Variants in VPS13B observed in about 807,000 individuals in gnomAD.
The protein encoded by VPS13B is intermembrane lipid transfer protein VPS13B.
A neutral mutation model predicts 426.4 loss-of-function variants in VPS13B; 285 were observed. The ratio of observed to expected loss-of-function variants is 0.67; its 90% CI spans 0.61 to 0.74. The LOEUF (loss-of-function observed/expected upper bound fraction) is 0.74. Among genes scored for constraint, VPS13B ranks in the 30% least tolerant of loss-of-function variants. VPS13B has a pLI of 0.00. For missense variants in VPS13B, 4,537 were observed against 4,782.6 expected (o/e 0.95, Z 1.51); for synonymous variants, 1,676 against 1,676.4 (o/e 1.00, Z 0.01).
rs142801068 is a variant in VPS13B at position 99,870,519 on chromosome 8, A to T, written c.11393-266A>T. On this transcript the variant is annotated intron_variant, in intron 59 of 61. Transcript: ENST00000357162. Reference sequence around the variant, plus strand: ...TCTAGGCTATTGTTCATGACCAGCTACTTTCGGTGTTTTTGCTTCCTCTAA... The same window carrying T: ...TCTAGGCTATTGTTCATGACCAGCTTCTTTCGGTGTTTTTGCTTCCTCTAA... 1.3e-3 allele frequency among the ~76,000 whole-genome samples: 202 copies of T among 152,304 alleles called. 2 individuals carry two copies. In the Middle Eastern group the frequency reaches 0.014, roughly 10 times the overall value.
intron 2 of VPS13B, among the ~76,000 whole-genome samples, chr8:99,034,063 T>G (rs963185816): frequency 6.6e-6 from 1 of 152,228 alleles, no homozygotes; most frequent in African/African-American, 2.4e-5. Flanking sequence ...CATAGTTGTT[T>G]GTTGTAAATT....
intron 39 of VPS13B, among the ~76,000 whole-genome samples, chr8:99,749,261 G>T (rs1810272110): frequency 6.6e-6 from 1 of 151,702 alleles, no homozygotes; most frequent in Admixed American, 6.6e-5. Flanking sequence ...TATTATTTTA[G>T]TTATTTTTAA....
At chr8:99,263,983 T>G (rs1390428200) in intron 17 of VPS13B, among the ~76,000 whole-genome samples, 1 of 152,204 alleles carries the variant, frequency 6.6e-6, no homozygotes, top group Non-Finnish European at 1.5e-5. Flanking sequence ...ATTATAAACA[T>G]GTATGTATGA....
intron 2 of VPS13B, among the ~76,000 whole-genome samples, 175 bp downstream of exon 2, chr8:99,014,110 CTTTTTTTTTTT>C (rs1211028912): frequency 1.5e-4 from 11 of 72,308 alleles, no homozygotes; most frequent in East Asian, 1.0e-3. Flanking sequence ...TTCTTTCTTT[CTTTTTTTTTTT>C]TTTTTTTTTT....
chr8:99,574,013 C>T (rs2133804966), intron 31 of VPS13B, among the ~76,000 whole-genome samples: 1 of 152,256 alleles, frequency 6.6e-6, no homozygotes, highest in East Asian at 1.9e-4. Context: ...AGAGGTCCTT[C>T]CCATCCCTTG....
At chr8:99,695,374 AATG>A (rs1363305534) in intron 35 of VPS13B, among the ~76,000 whole-genome samples, 1 of 150,572 alleles carries the variant, frequency 6.6e-6, no homozygotes, top group Non-Finnish European at 1.5e-5. Flanking sequence ...AGCCATAAAA[AATG>A]ATGAGTTCAT....
At position 99,510,594 on chromosome 8, in the gene VPS13B, C is replaced by T. The variant is rs184959894; in HGVS notation, c.4225-510C>T. 6.6e-5 allele frequency among the ~76,000 whole-genome samples: 10 copies of T among 152,310 alleles called. No homozygotes were observed. The East Asian group carries it at 1.7e-3, about 26-fold the overall frequency. The stretch of plus-strand genomic sequence containing the variant: ...CTCGGCTCACTGCAGCCTCTGCCTC[C>T]CGGGTTGAAGCGATTCTTGTGCCTC... On this transcript the variant is annotated intron_variant, in intron 28 of 61. Transcript: ENST00000357162.
chr8:99,682,391 T>C (rs995880164), intron 35 of VPS13B, among the ~76,000 whole-genome samples: 3 of 152,334 alleles, frequency 2.0e-5, no homozygotes, highest in African/African-American at 7.2e-5. Flanking sequence ...AAAAATTAGA[T>C]TATTTTCTCA....
Position 99,720,341 on chromosome 8 carries a change from A to G in VPS13B, c.6658-4A>G. 1.2e-6 allele frequency: 2 copies of G among 1,611,394 alleles called. No individual in the cohort carries two copies. Among genetic ancestry groups the G allele is most frequent in the Non-Finnish European group, 1.7e-6 (2 of 1,179,148 alleles). On this transcript the variant is annotated splice_polypyrimidine_tract_variant and splice_region_variant and intron_variant, in intron 37 of 61. Transcript: ENST00000357162. ...GCTACTAGAATTTTTTTATGATTTT[A>G]AAGGTCTTCTGGGGTCAAGAACATT...
intron 5 of VPS13B, among the ~76,000 whole-genome samples, chr8:99,106,962 A>G (rs550302437): frequency 1.3e-5 from 2 of 152,322 alleles, no homozygotes; most frequent in East Asian, 3.9e-4. Context: ...AGTTTTGGCT[A>G]TAATGAATAA....
At chr8:99,558,700 G>A (rs1255288365) in intron 31 of VPS13B, among the ~76,000 whole-genome samples, 1 of 152,072 alleles carries the variant, frequency 6.6e-6, no homozygotes, top group Non-Finnish European at 1.5e-5. Context: ...CACAATGATG[G>A]TTTCCAGCTT....
chr8:99,424,158 T>C (rs900090949), intron 21 of VPS13B: 5 of 152,198 alleles, frequency 3.3e-5, no homozygotes, highest in African/African-American at 1.2e-4. Flanking sequence ...TTTACCATTA[T>C]GTAATGGCCT....
At chr8:99,149,261 GTC>G (rs995179298) in intron 14 of VPS13B, among the ~76,000 whole-genome samples, 2 of 152,154 alleles carry the variant, frequency 1.3e-5, no homozygotes, top group African/African-American at 4.8e-5. Context: ...TTTGTTTATG[GTC>G]CATATACAAT....
intron 19 of VPS13B, among the ~76,000 whole-genome samples, chr8:99,306,715 C>A (rs1002218974): frequency 2.0e-5 from 3 of 151,974 alleles, no homozygotes. Context: ...GATCATCAGC[C>A]AGTTTGTCTT....
intron 31 of VPS13B, among the ~76,000 whole-genome samples, chr8:99,567,776 A>G (rs996151722): frequency 6.6e-6 from 1 of 152,000 alleles, no homozygotes; most frequent in South Asian, 2.1e-4. Context: ...TTCCTGCTAA[A>G]CTGAATTCCG....
intron 16 of VPS13B, among the ~76,000 whole-genome samples, chr8:99,180,921 T>C (rs1299110251): frequency 6.6e-6 from 1 of 152,190 alleles, no homozygotes; most frequent in Non-Finnish European, 1.5e-5. Flanking sequence ...ATGAATATAA[T>C]ATTCAGAATG....
At chr8:99,692,739 A>C (rs1588628378) in intron 35 of VPS13B, among the ~76,000 whole-genome samples, 1 of 147,718 alleles carries the variant, frequency 6.8e-6, no homozygotes, top group African/African-American at 2.6e-5. Flanking sequence ...CCCTTCAAAA[A>C]ATCAATGAAT....
intron 34 of VPS13B, among the ~76,000 whole-genome samples, chr8:99,654,898 T>A (rs1304117820): frequency 6.6e-6 from 1 of 151,020 alleles, no homozygotes; most frequent in African/African-American, 2.4e-5. Flanking sequence ...CTTGTCTCAA[T>A]GAATTGGGAC....
At chr8:99,163,971 T>A (rs902351505) in intron 15 of VPS13B, among the ~76,000 whole-genome samples, 1 of 152,108 alleles carries the variant, frequency 6.6e-6, no homozygotes, top group African/African-American at 2.4e-5. Context: ...CAATCCCCCC[T>A]CTAAACAGGA....
Sources: allele counts gnomAD v4.1 joint callset (sites outside exome capture counted in the v4.1 genomes callset), GRCh38; gene constraint gnomAD v4.1.1; transcripts MANE v1.5; gene names NCBI Gene and HGNC (gene_info 2026-07-23, HGNC 2026-07-21).